Variants in CCDC47 observed in about 807,000 individuals in gnomAD.
The protein encoded by CCDC47 is PAT complex subunit CCDC47.
CCDC47 carries 41 observed loss-of-function variants against 60.5 expected under a neutral mutation model. The observed-to-expected ratio is 0.68, with a 90% CI of 0.53 to 0.88. CCDC47 has a LOEUF of 0.88. Ranked by LOEUF, CCDC47 falls within the 40% of genes least tolerant of loss-of-function variation. The pLI, the probability that CCDC47 is intolerant of heterozygous loss-of-function variation, is 0.00. For missense variants in CCDC47, 513 were observed against 580.9 expected, an observed-to-expected ratio of 0.88 and a Z score of 1.20; for synonymous variants, 195 against 190.7, an observed-to-expected ratio of 1.02 and a Z score of -0.18.
At chr17:63,771,045 G>GAAGGAAGGAAGGAAGAAGAAAGAAAGA (rs759971442) in intron 1 of CCDC47, among the ~76,000 whole-genome samples, 8 of 97,818 alleles carry the variant, frequency 8.2e-5, no homozygotes, top group Non-Finnish European at 1.6e-4. Context: ...AGGAAGGAAG[G>GAAGGAAGGAAGGAAGAAGAAAGAAAGA]AAGAAAGAAA....
chr17:63,763,657 C>CT (rs1348930072), intron 4 of CCDC47, among the ~76,000 whole-genome samples: 2 of 148,174 alleles, frequency 1.3e-5, no homozygotes, highest in Admixed American at 6.7e-5. Flanking sequence ...AACCCCGACT[C>CT]TACTAAAAAT....
chr17:63,757,703 G>A (rs995738930), intron 6 of CCDC47, among the ~76,000 whole-genome samples: 7 of 152,154 alleles, frequency 4.6e-5, no homozygotes, highest in Non-Finnish European at 8.8e-5. Flanking sequence ...AAACCTAAAT[G>A]GAATAATGTG....
At position 63,759,542 on chromosome 17, in the gene CCDC47, T is replaced by C. The variant is rs1435792443; in HGVS notation, c.735+1372A>G. Among the ~76,000 whole-genome samples the C allele has an allele frequency of 3.9e-4, 7 of 18,180 alleles. 2 individuals carry two copies. The highest frequency in any genetic ancestry group is 2.9e-3 in the Admixed American group (5 of 1,718). The allele number at this position is 18,180 out of a possible 152,430, so 11.9% of individuals were successfully genotyped here. On this transcript the variant is annotated intron_variant, in intron 6 of 12. Transcript: ENST00000225726. ...ATATATATATTTATATATATATATA[T>C]ATATATATATATATATATATATATA...
At position 63,754,284 on chromosome 17, in the gene CCDC47, C is replaced by T. The variant is rs541764043; in HGVS notation, c.1034+149G>A. On this transcript the variant is annotated intron_variant, in intron 9 of 12. Transcript: ENST00000225726. ...AGGTTTACAATGACCTCTTATGATG[C>T]ATGCAGTCAAAGCAAAGGAAAATGT... The T allele has an allele frequency of 6.5e-3, 4,148 of 637,522 alleles. 17 individuals are homozygous for T. Among genetic ancestry groups the T allele is most frequent in the Non-Finnish European group, 9.0e-3 (3,143 of 350,680 alleles). 39.5% of individuals were successfully genotyped at this position (637,522 alleles called of 1,614,324 possible). A position where few individuals can be genotyped will look rare whatever the true frequency, so the allele number is the denominator to read the frequency against.
chr17:63,759,527 TTATATATATATATA>T lies in CCDC47; in HGVS notation c.735+1373_735+1386del, dbSNP rs770930100. Among the ~76,000 whole-genome samples the T allele has an allele frequency of 7.6e-3, 30 of 3,958 alleles. 3 individuals are homozygous for T. Among genetic ancestry groups the T allele is most frequent in the Admixed American group, 9.8e-3 (2 of 204 alleles). The allele number at this position is 3,958 out of a possible 152,430, so 2.6% of individuals were successfully genotyped here. On this transcript the variant is annotated intron_variant, in intron 6 of 12. Coordinates refer to ENST00000225726, the MANE Select transcript of CCDC47 (RefSeq NM_020198.3). ...AAAAAAAATATATATATATATATATTTATATATATATATATATATATATATATATATATATATAT... is the reference window on the plus strand; with the variant it reads ...AAAAAAAATATATATATATATATATTTATATATATATATATATATATATAT...
At chr17:63,773,029 C>A (rs1263527601) in intron 1 of CCDC47, among the ~76,000 whole-genome samples, 1 of 152,212 alleles carries the variant, frequency 6.6e-6, no homozygotes, top group East Asian at 1.9e-4. Flanking sequence ...TAGATTAGGT[C>A]TTCCTGACAA....
intron 9 of CCDC47, chr17:63,753,646 C>T (rs2039183322): frequency 1.0e-6 from 1 of 982,706 alleles, no homozygotes; most frequent in African/African-American, 1.7e-5. Flanking sequence ...AACAGTATTA[C>T]TATAAAGCTA....
In CCDC47 at chr17:63,760,990, TGA is replaced by T. The variant is rs2039254974; in HGVS notation, c.670-13_670-12del. Reference sequence around the variant, plus strand: ...TTGTCTCTTGAGGAACTGAAAAAAATGAGAGAAGTAAGTAAATCCAACTGCAA... The same window carrying T: ...TTGTCTCTTGAGGAACTGAAAAAAATGAGAAGTAAGTAAATCCAACTGCAA... On this transcript the variant is annotated splice_polypyrimidine_tract_variant and intron_variant, in intron 5 of 12. Transcript: ENST00000225726. The T allele has an allele frequency of 6.2e-7, 1 of 1,610,676 alleles. No homozygotes were observed. Among genetic ancestry groups the T allele is most frequent in the Non-Finnish European group, 8.5e-7 (1 of 1,177,750 alleles).
intron 1 of CCDC47, among the ~76,000 whole-genome samples, chr17:63,769,957 CT>C (rs995229803): frequency 4.4e-5 from 5 of 112,810 alleles, no homozygotes; most frequent in African/African-American, 1.9e-4. Context: ...CTTTATTTTT[CT>C]TTCTTTTTTT....
chr17:63,759,869 T>C (rs1462930268), intron 6 of CCDC47, among the ~76,000 whole-genome samples: 2 of 150,540 alleles, frequency 1.3e-5, no homozygotes, highest in East Asian at 4.0e-4. Flanking sequence ...ATCGAGACCA[T>C]CCTGGCCAAC....
intron 12 of CCDC47, chr17:63,747,458 T>C (rs528404205): frequency 1.0e-6 from 1 of 982,230 alleles, no homozygotes; most frequent in Non-Finnish European, 1.2e-6. Flanking sequence ...TAATGCTCTA[T>C]TTGAGACATC....
chr17:63,753,131 T>G (rs984800128), intron 9 of CCDC47: 13 of 421,232 alleles, frequency 3.1e-5, no homozygotes, highest in African/African-American at 2.8e-4. Flanking sequence ...CATTTTTGCT[T>G]ATTTTGATGC....
At chr17:63,749,496 G>C (rs762038313) in intron 12 of CCDC47, among the ~76,000 whole-genome samples, 1 of 150,256 alleles carries the variant, frequency 6.7e-6, no homozygotes, top group Non-Finnish European at 1.5e-5. Context: ...GCTCACGCCT[G>C]TAATCCCAGC....
intron 1 of CCDC47, chr17:63,772,728 G>A (rs2039357709): frequency 6.6e-6 from 1 of 152,082 alleles, no homozygotes. Context: ...GCACTATAAT[G>A]GAGATCCTTC....
Position 63,756,575 on chromosome 17 carries a change from T to G in CCDC47, c.736-5A>C. 1.9e-6 allele frequency: 3 copies of G among 1,596,744 alleles called. No homozygotes were observed. Among genetic ancestry groups the G allele is most frequent in the Non-Finnish European group, 2.6e-6 (3 of 1,165,420 alleles). On this transcript the variant is annotated splice_polypyrimidine_tract_variant and splice_region_variant and intron_variant, in intron 6 of 12. Coordinates refer to ENST00000225726, the MANE Select transcript of CCDC47 (RefSeq NM_020198.3). ...ATTCATGGTTACTTTTATTTGCTTT[T>G]AAAAAAATGTAAAAAACAACAAAAT...
intron 12 of CCDC47, among the ~76,000 whole-genome samples, chr17:63,749,394 C>CAAACA (rs113783145): frequency 0.22 from 31,158 of 140,726 alleles, 3,671 homozygotes; most frequent in Middle Eastern, 0.31. Context: ...GACTATGTCT[C>CAAACA]AAACAAAACA....
intron 8 of CCDC47, chr17:63,755,220 G>A (rs1055855353): frequency 3.6e-6 from 3 of 843,502 alleles, no homozygotes; most frequent in Admixed American, 6.2e-5. Context: ...TCCTGCCTCC[G>A]CCACCCAAAG....
intron 6 of CCDC47, 49 bp downstream of exon 6, chr17:63,760,865 A>G (rs778733499): frequency 3.1e-6 from 4 of 1,306,848 alleles, no homozygotes; most frequent in South Asian, 1.3e-5. Context: ...AAAGAAAGAA[A>G]ACAAATAATT....
intron 7 of CCDC47, 22 bp downstream of exon 7, chr17:63,756,447 G>A (rs2039207612): frequency 6.2e-7 from 1 of 1,600,304 alleles, no homozygotes; most frequent in Admixed American, 1.7e-5. Context: ...ACGTATATTT[G>A]AGTTGGAGCA....
Sources: allele counts gnomAD v4.1 joint callset (sites outside exome capture counted in the v4.1 genomes callset), GRCh38; gene constraint gnomAD v4.1.1; transcripts MANE v1.5; gene names NCBI Gene and HGNC (gene_info 2026-07-23, HGNC 2026-07-21).